The following RPE65 variants were observed in gnomAD, a reference collection of about 807,000 sequenced individuals.
RPE65 encodes retinoid isomerohydrolase RPE65, also known as retinoid isomerohydrolase.
A neutral mutation model predicts 68.5 loss-of-function variants in RPE65; 58 were observed. The ratio of observed to expected loss-of-function variants is 0.85; its 90% CI spans 0.69 to 1.05. RPE65 has a LOEUF of 1.05. RPE65 is among the 50% of genes least tolerant of loss of function. The pLI, the probability that RPE65 is intolerant of heterozygous loss-of-function variation, is 0.00. For missense variants in RPE65, 643 were observed against 629.9 expected (o/e 1.02, Z -0.22); for synonymous variants, 220 against 222.2 (o/e 0.99, Z 0.09).
At chr1:68,446,945 C>CCCAATCAGGCTG in intron 2 of RPE65, 85 bp from the exon 3 acceptor site, 2 of 1,563,518 alleles carry the variant, frequency 1.3e-6, no homozygotes, top group Non-Finnish European at 1.8e-6. Context: ...ATATCAGCAG[C>CCCAATCAGGCTG]CTGATTGGGC....
intron 2 of RPE65, among the ~76,000 whole-genome samples, chr1:68,447,588 G>A (rs1571173235): frequency 6.6e-6 from 1 of 152,118 alleles, no homozygotes; most frequent in Admixed American, 6.5e-5. Flanking sequence ...AGGGCCGGGC[G>A]CGGTGGCTCG....
Position 68,446,804 on chromosome 1 carries a change from CAA to C in RPE65, c.149_150del (p.Phe50Ter), listed in dbSNP as rs886042807. On this transcript the variant is annotated frameshift_variant, in exon 3 of 14. Coordinates refer to ENST00000262340, the MANE Select transcript of RPE65 (RefSeq NM_000329.3). LOFTEE classifies it high-confidence loss of function. The stretch of plus-strand genomic sequence containing the variant: ...TGGTAAAATGGCTCAGATCCAACTT[CAA>C]AGAGTCCTGGCCCACATCGAAGGAG... ...GSLLRCGPGL[F>X]EVGSEPFYHL... 1 of 1,614,114 alleles carries C rather than the reference CAA, an allele frequency of 6.2e-7. No homozygotes were observed. The highest frequency in any genetic ancestry group is 1.3e-5 in the African/African-American group (1 of 75,048).
In RPE65 at chr1:68,448,624, C is replaced by A. The variant is rs768448761; in HGVS notation, c.94G>T (p.Gly32Cys). 4.3e-6 allele frequency: 7 copies of A among 1,613,848 alleles called. No homozygotes were observed. The highest frequency in any genetic ancestry group is 1.1e-5 in the South Asian group (1 of 91,022). ...TGGCTTCAAGATGGGCGAGACCAACCTGTTACATGAGCTGTGAGCGGCGAG... is the reference window on the plus strand; with the variant it reads ...TGGCTTCAAGATGGGCGAGACCAACATGTTACATGAGCTGTGAGCGGCGAG... ...LSSPLTAHVT[G>C]RIPLWLTGSL... Residue 32 changes from glycine to cysteine, a missense_variant and splice_region_variant, in exon 2 of 14, where the codon GGC becomes TGC. By Grantham distance (159) the Gly-to-Cys change is radical. Coordinates refer to ENST00000262340, the MANE Select transcript of RPE65 (RefSeq NM_000329.3).
rs932746549 is a variant in RPE65, at chr1:68,429,703, A to G, written c.*73T>C. 3.1e-6 allele frequency: 5 copies of G among 1,594,194 alleles called. No homozygotes were observed. The African/African-American group carries it at 5.4e-5, about 17-fold the overall frequency. On this transcript the variant is annotated 3_prime_UTR_variant, in exon 14 of 14. Coordinates refer to ENST00000262340, the MANE Select transcript of RPE65 (RefSeq NM_000329.3). ...ATGACATATAGCAGGCTAAAATTGAACAGAATTTGATTGCAGACCTGAAGC... is the reference window on the plus strand; with the variant it reads ...ATGACATATAGCAGGCTAAAATTGAGCAGAATTTGATTGCAGACCTGAAGC...
At position 68,431,320 on chromosome 1, in the gene RPE65, CA is replaced by C; in HGVS notation, c.1299del (p.Tyr433Ter). ...AAGTGATTCAAGCCAAGTCCATACG[CA>C]TATGTGTAAGGTTTCCCACAATACT... ...YQKYCGKPYT[Y>X]AYGLGLNHFV... On this transcript the variant is annotated frameshift_variant, in exon 12 of 14. Coordinates refer to ENST00000262340, the MANE Select transcript of RPE65 (RefSeq NM_000329.3). LOFTEE classifies it high-confidence loss of function. 6.2e-7 allele frequency: 1 copy of C among 1,613,960 alleles called. No homozygotes were observed. The highest frequency in any genetic ancestry group is 1.1e-5 in the South Asian group (1 of 91,080).
intron 10 of RPE65, among the ~76,000 whole-genome samples, chr1:68,436,228 T>C (rs3125898): frequency 0.43 from 65,027 of 151,808 alleles, 15,201 homozygotes; most frequent in East Asian, 0.77. Context: ...ATTTTGGGAA[T>C]GCTCAACTAC....
In RPE65 at chr1:68,429,076, A is replaced by G. The variant is rs1164619551; in HGVS notation, c.*700T>C. ...TTTTTTTAAATATAGTCACTACTAT[A>G]TGTACTTGCTTTTATGTTACATAAG... On this transcript the variant is annotated 3_prime_UTR_variant, in exon 14 of 14. Transcript: ENST00000262340. 1 of 152,146 alleles carries G rather than the reference A, an allele frequency of 6.6e-6. No homozygotes were observed. The highest frequency in any genetic ancestry group is 1.5e-5 in the Non-Finnish European group (1 of 68,004). The allele number at this position is 152,146 out of a possible 1,614,324, so 9.4% of individuals were successfully genotyped here.
At chr1:68,437,771 A>C (rs1322719530) in intron 10 of RPE65, among the ~76,000 whole-genome samples, 1 of 152,208 alleles carries the variant, frequency 6.6e-6, no homozygotes, top group Non-Finnish European at 1.5e-5. Context: ...ATAGAAAACC[A>C]AAATAATGAA....
At chr1:68,449,755 G>GA in intron 1 of RPE65, 140 bp downstream of exon 1, 9 of 979,998 alleles carry the variant, frequency 9.2e-6, no homozygotes, top group Non-Finnish European at 1.4e-5. Flanking sequence ...ACATAAGCAG[G>GA]AAAAAATTTC....
chr1:68,441,804 T>G (rs939747843), intron 5 of RPE65, among the ~76,000 whole-genome samples: 1 of 150,126 alleles, frequency 6.7e-6, no homozygotes, highest in Non-Finnish European at 1.5e-5. Context: ...TATTTCCAAT[T>G]AATTAGGGAG....
At chr1:68,431,688 A>G in intron 10 of RPE65, 103 bp from the exon 11 acceptor site, 1 of 942,256 alleles carries the variant, frequency 1.1e-6, no homozygotes, top group Non-Finnish European at 1.7e-6. Flanking sequence ...TTTTAGGTCA[A>G]CATGCAGGGA....
At chr1:68,439,521 T>C in intron 7 of RPE65, 40 bp downstream of exon 7, 10 of 1,604,076 alleles carry the variant, frequency 6.2e-6, no homozygotes, top group Non-Finnish European at 7.7e-6. Flanking sequence ...ATCTTTAAAC[T>C]TGAGTTTTCC....
chr1:68,437,893 T>C (rs575519378), intron 10 of RPE65, among the ~76,000 whole-genome samples: 43 of 152,350 alleles, frequency 2.8e-4, no homozygotes, highest in African/African-American at 1.0e-3. Context: ...ATCTGCACTA[T>C]TCACCGAGGA....
intron 10 of RPE65, among the ~76,000 whole-genome samples, chr1:68,433,361 T>C (rs890636535): frequency 1.3e-5 from 2 of 151,974 alleles, no homozygotes; most frequent in Non-Finnish European, 2.9e-5. Context: ...AGTGGTGATC[T>C]AGGAAAGATG....
rs754918678 is a variant in RPE65, at chr1:68,439,211, C to G, written c.838G>C (p.Glu280Gln). ...CTTACCCCCATGGTTTCATTGGACT[C>G]AAAACAATCCATGTAGTTGGCTCCC... The part of the protein sequence containing the change: ...LWGANYMDCF[E>Q]SNETMGVWLH... Residue 280 changes from glutamate to glutamine, a missense_variant, in exon 8 of 14, where the codon GAG becomes CAG. Transcript: ENST00000262340. The G allele has an allele frequency of 6.2e-7, 1 of 1,614,030 alleles. No homozygotes were observed. Among genetic ancestry groups the G allele is most frequent in the Non-Finnish European group, 8.5e-7 (1 of 1,179,952 alleles).
At chr1:68,446,670 C>T (rs1306023811) in intron 3 of RPE65, 40 bp downstream of exon 3, 1 of 1,613,830 alleles carries the variant, frequency 6.2e-7, no homozygotes. Flanking sequence ...AAGCTAGGCC[C>T]TACTTTGAGG....
At chr1:68,430,005 T>C (rs1224192211) in intron 13 of RPE65, 78 bp from the exon 14 acceptor site, 4 of 1,550,594 alleles carry the variant, frequency 2.6e-6, no homozygotes, top group Admixed American at 1.7e-5. Flanking sequence ...TGAAATAATA[T>C]AGGAGGTATT....
intron 10 of RPE65, among the ~76,000 whole-genome samples, chr1:68,432,119 A>G (rs904265077): frequency 6.6e-6 from 1 of 151,598 alleles, no homozygotes; most frequent in Non-Finnish European, 1.5e-5. Flanking sequence ...TGTCACACAC[A>G]CATGATTTTT....
At chr1:68,436,444 CTATTTATTTATTTATTTATT>C (rs71071305) in intron 10 of RPE65, among the ~76,000 whole-genome samples, 15 of 147,578 alleles carry the variant, frequency 1.0e-4, no homozygotes, top group East Asian at 2.0e-4. Flanking sequence ...CCTGTTACTT[CTATTTATTTATTTATTTATT>C]TATTTATTTA....
Sources: gnomAD v4.1 joint callset for allele counts (sites outside exome capture counted in the v4.1 genomes callset) on GRCh38, gnomAD v4.1.1 for gene constraint, MANE v1.5 for transcripts, NCBI Gene and HGNC (gene_info 2026-07-23, HGNC 2026-07-21) for gene names.